The following UGT1A8 variants were observed in gnomAD, a reference collection of about 807,000 sequenced individuals.
The protein encoded by UGT1A8 is UDP glucuronosyltransferase family 1 member A8.
Under a neutral mutation model 45.3 loss-of-function variants are expected in UGT1A8, and 39 were observed. That is an observed-to-expected ratio of 0.86 (90% CI 0.67 to 1.12). The LOEUF (loss-of-function observed/expected upper bound fraction) is 1.12. Ranked by LOEUF, UGT1A8 falls within the 50% of genes most tolerant of loss-of-function variation. UGT1A8 has a pLI of 0.00. For synonymous variants in UGT1A8, 275 were observed against 249.2 expected (o/e 1.10, Z -0.97); for missense variants, 719 against 664.9 (o/e 1.08, Z -0.90).
chr2:233,667,196 C>T (rs2074097854), intron 1 of UGT1A8, among the ~76,000 whole-genome samples: 1 of 152,102 alleles, frequency 6.6e-6, no homozygotes, highest in Admixed American at 6.6e-5. Context: ...AATAGTATTT[C>T]TAGTTCTAGA....
chr2:233,718,922 GC>G (rs1473563320), intron 1 of UGT1A8: 1 of 1,614,124 alleles, frequency 6.2e-7, no homozygotes, highest in East Asian at 2.2e-5. Context: ...TGTTGGTGGT[GC>G]CCACTGATGG....
intron 1 of UGT1A8, among the ~76,000 whole-genome samples, chr2:233,697,199 A>T (rs1410890710): frequency 1.3e-5 from 2 of 152,084 alleles, no homozygotes; most frequent in Admixed American, 6.5e-5. Context: ...CAGTGAATCC[A>T]TCTGGTCCTG....
At chr2:233,659,572 G>A (rs1437339149) in intron 1 of UGT1A8, among the ~76,000 whole-genome samples, 1 of 152,190 alleles carries the variant, frequency 6.6e-6, no homozygotes, top group African/African-American at 2.4e-5. Context: ...TGAGGAGGAA[G>A]AGGAGGGGTT....
chr2:233,652,977 A>C (rs188940668), intron 1 of UGT1A8, among the ~76,000 whole-genome samples: 2 of 152,356 alleles, frequency 1.3e-5, no homozygotes, highest in Admixed American at 6.5e-5. Context: ...CATCAAAATA[A>C]AACACTTTTG....
intron 1 of UGT1A8, chr2:233,693,174 T>C (rs765801707): frequency 1.2e-6 from 2 of 1,614,166 alleles, no homozygotes; most frequent in Non-Finnish European, 1.7e-6. Flanking sequence ...CATGAGATTG[T>C]AGTGGTGGTG....
At chr2:233,735,698 A>C (rs1273245395) in intron 1 of UGT1A8, among the ~76,000 whole-genome samples, 2 of 152,000 alleles carry the variant, frequency 1.3e-5, no homozygotes, top group Admixed American at 6.5e-5. Flanking sequence ...CTTGTAAGGC[A>C]GGCCTGGTGG....
chr2:233,758,920 T>C (rs1318517296), intron 1 of UGT1A8, among the ~76,000 whole-genome samples: 3 of 152,264 alleles, frequency 2.0e-5, no homozygotes, highest in Non-Finnish European at 4.4e-5. Flanking sequence ...TGCTCATCTT[T>C]CCCTTTTGAC....
In UGT1A8 at chr2:233,618,467, C is replaced by T. The variant is rs771007460; in HGVS notation, c.760C>T (p.Arg254Ter). ...CAGCCACACATCAATTTGGTTGTTGCGAACAGACTTTGTTTTGGACTATCC... is the reference window on the plus strand; with the variant it reads ...CAGCCACACATCAATTTGGTTGTTGTGAACAGACTTTGTTTTGGACTATCC... ...LYSHTSIWLL[R>*]TDFVLDYPKP... Residue 254 changes from arginine to a stop codon, truncating the protein, a stop_gained, in exon 1 of 5, where the codon CGA becomes TGA. Coordinates refer to ENST00000373450, the MANE Select transcript of UGT1A8 (RefSeq NM_019076.5). LOFTEE classifies it high-confidence loss of function. 3.2e-5 allele frequency: 52 copies of T among 1,613,744 alleles called. No individual in the cohort carries two copies. In the East Asian group the frequency reaches 4.5e-4, roughly 14 times the overall value.
At chr2:233,714,594 T>C (rs2076398769) in intron 1 of UGT1A8, among the ~76,000 whole-genome samples, 1 of 152,248 alleles carries the variant, frequency 6.6e-6, no homozygotes. Flanking sequence ...ACTTTTCTAG[T>C]GGGCATGTTA....
intron 1 of UGT1A8, among the ~76,000 whole-genome samples, chr2:233,696,605 C>CCTTT (rs57635371): frequency 7.9e-5 from 12 of 151,622 alleles, no homozygotes; most frequent in African/African-American, 2.7e-4. Flanking sequence ...ACTTGGATGC[C>CCTTT]CTTTCTTTCT....
At chr2:233,733,112 C>A (rs1009344972) in intron 1 of UGT1A8, among the ~76,000 whole-genome samples, 13 of 152,124 alleles carry the variant, frequency 8.5e-5, no homozygotes, top group African/African-American at 2.9e-4. Flanking sequence ...CTCTGTTTGT[C>A]TGTTATTGGT....
intron 1 of UGT1A8, among the ~76,000 whole-genome samples, chr2:233,670,273 G>A (rs1025063901): frequency 2.0e-5 from 3 of 152,198 alleles, no homozygotes; most frequent in Admixed American, 6.5e-5. Flanking sequence ...GGTTGGTTTT[G>A]CTGTTTCAGG....
At chr2:233,708,481 G>A (rs1350842502) in intron 1 of UGT1A8, 2 of 152,206 alleles carry the variant, frequency 1.3e-5, no homozygotes, top group Non-Finnish European at 2.9e-5. Flanking sequence ...GCTGAGCGTG[G>A]TGGCTCATGC....
rs542562674 is a variant in UGT1A8, at chr2:233,763,721, C to G, written c.856-3313C>G. 2.0e-5 allele frequency among the ~76,000 whole-genome samples: 3 copies of G among 152,262 alleles called. No homozygotes were observed. The South Asian group carries it at 6.2e-4, about 32-fold the overall frequency. On this transcript the variant is annotated intron_variant, in intron 1 of 4. Coordinates refer to ENST00000373450, the MANE Select transcript of UGT1A8 (RefSeq NM_019076.5). Reference sequence around the variant, plus strand: ...TGCACAAAGAAGTCCATAGAGAAAGCACAACCTGGCATTGGCGTGTCTTTG... The same window carrying G: ...TGCACAAAGAAGTCCATAGAGAAAGGACAACCTGGCATTGGCGTGTCTTTG...
chr2:233,721,778 T>C (rs1223743047), intron 1 of UGT1A8: 3 of 503,204 alleles, frequency 6.0e-6, no homozygotes, highest in African/African-American at 5.8e-5. Context: ...TTAGCATTAT[T>C]CTCTGCATTT....
At chr2:233,690,521 A>T (rs1361310143) in intron 1 of UGT1A8, 1 of 1,289,572 alleles carries the variant, frequency 7.8e-7, no homozygotes, top group Non-Finnish European at 1.0e-6. Flanking sequence ...TTATCTTAGG[A>T]TCTACTTCTT....
At chr2:233,647,924 C>T in intron 1 of UGT1A8, 1 of 1,601,390 alleles carries the variant, frequency 6.2e-7, no homozygotes, top group Non-Finnish European at 8.5e-7. Context: ...GTAGATCACT[C>T]ACTGCCCATG....
At chr2:233,756,909 C>T (rs1190068817) in intron 1 of UGT1A8, among the ~76,000 whole-genome samples, 1 of 152,062 alleles carries the variant, frequency 6.6e-6, no homozygotes, top group East Asian at 1.9e-4. Context: ...GAACAAACTT[C>T]TGAGTTTATA....
At chr2:233,648,167 G>C (rs1360920314) in intron 1 of UGT1A8, 2 of 1,048,756 alleles carry the variant, frequency 1.9e-6, no homozygotes, top group Middle Eastern at 2.2e-4. Context: ...CTATTAATGA[G>C]TTCATCCAAA....
Sources: gnomAD v4.1 joint callset for allele counts (sites outside exome capture counted in the v4.1 genomes callset) on GRCh38, gnomAD v4.1.1 for gene constraint, MANE v1.5 for transcripts, NCBI Gene and HGNC (gene_info 2026-07-23, HGNC 2026-07-21) for gene names.